The following PTBP3 variants were observed in gnomAD, a reference collection of about 807,000 sequenced individuals.
PTBP3 encodes the protein polypyrimidine tract binding protein 3.
In PTBP3, 20 loss-of-function variants were observed where a neutral mutation model predicts 58.7. That is an observed-to-expected ratio of 0.34 (90% CI 0.24 to 0.50). The LOEUF is 0.50. PTBP3 is among the 20% of genes least tolerant of loss of function. The pLI is 0.98. For missense variants in PTBP3, 509 were observed against 637.2 expected (o/e 0.80, Z 2.17); for synonymous variants, 185 against 219.8 (o/e 0.84, Z 1.40).
At chr9:112,229,492 G>T (rs1835119045) in intron 10 of PTBP3, among the ~76,000 whole-genome samples, 1 of 151,490 alleles carries the variant, frequency 6.6e-6, no homozygotes, top group South Asian at 2.1e-4. Context: ...TTGAACCTGG[G>T]AGGTAGAGGT....
chr9:112,261,768 A>T (rs1478610744), intron 5 of PTBP3, among the ~76,000 whole-genome samples: 1 of 152,248 alleles, frequency 6.6e-6, no homozygotes. Flanking sequence ...ATTCAAAAAC[A>T]AAACATGGGA....
chr9:112,302,976 T>G (rs1379971702), intron 1 of PTBP3, among the ~76,000 whole-genome samples: 1 of 152,202 alleles, frequency 6.6e-6, no homozygotes, highest in Non-Finnish European at 1.5e-5. Flanking sequence ...TTCTATTTTT[T>G]TCTCATTCGA....
chr9:112,352,894 C>T, the PTBP3 span, among the ~76,000 whole-genome samples: 53,221 of 151,442 alleles, frequency 0.35, 10,936 homozygotes, highest in Middle Eastern at 0.5. Context: ...CAATTAATGA[C>T]TTTCTTTTTT....
upstream of PTBP3, among the ~76,000 whole-genome samples, chr9:112,334,224 G>A (rs774066592): frequency 8.5e-5 from 13 of 152,090 alleles, no homozygotes; most frequent in Admixed American, 2.6e-4. Context: ...GAAAGAGGCT[G>A]CCCGGACTGG....
the PTBP3 span, among the ~76,000 whole-genome samples, chr9:112,356,784 A>C: frequency 1.1e-3 from 91 of 79,134 alleles, 2 homozygotes; most frequent in South Asian, 5.3e-3. Context: ...CTTTTGAGAC[A>C]ATTGCGTGTG....
intron 1 of PTBP3, among the ~76,000 whole-genome samples, chr9:112,315,504 G>A (rs1277332361): frequency 6.6e-6 from 1 of 152,112 alleles, no homozygotes; most frequent in Non-Finnish European, 1.5e-5. Flanking sequence ...GGAGGCTGAG[G>A]AGGAGGATCA....
Position 112,288,455 on chromosome 9 carries a change from C to T in PTBP3, c.34+9377G>A, listed in dbSNP as rs149652217. 1.5e-3 allele frequency among the ~76,000 whole-genome samples: 232 copies of T among 152,306 alleles called. 1 individual carries two copies. The highest frequency in any genetic ancestry group is 5.4e-3 in the African/African-American group (225 of 41,548). On this transcript the variant is annotated intron_variant, in intron 2 of 13. Coordinates refer to ENST00000374257, the MANE Select transcript of PTBP3 (RefSeq NM_001163788.4). ...TCCCATACCTCCCAGGTAACTCAAC[C>T]TTCCCAAACTTCAATCTGTTTCTTC...
chr9:112,276,082 T>C (rs1589854133), intron 2 of PTBP3, 69 bp from the exon 3 acceptor site: 2 of 1,389,958 alleles, frequency 1.4e-6, no homozygotes, highest in Non-Finnish European at 2.0e-6. Flanking sequence ...ATTAATCATA[T>C]TGTCACATTT....
At chr9:112,224,669 T>C (rs1279014181) in intron 12 of PTBP3, among the ~76,000 whole-genome samples, 1 of 152,172 alleles carries the variant, frequency 6.6e-6, no homozygotes, top group Non-Finnish European at 1.5e-5. Flanking sequence ...CCCCAATTAC[T>C]CTTGCCTGCT....
At chr9:112,330,504 G>A in intron 1 of PTBP3, 1 of 1,461,634 alleles carries the variant, frequency 6.8e-7, no homozygotes, top group African/African-American at 1.4e-5. Flanking sequence ...AGAGAAAATG[G>A]AAAACAAAGT....
At chr9:112,275,619 TAAG>T (rs778472997) in intron 3 of PTBP3, among the ~76,000 whole-genome samples, 1 of 152,140 alleles carries the variant, frequency 6.6e-6, no homozygotes, top group African/African-American at 2.4e-5. Flanking sequence ...ATTTGTGTCT[TAAG>T]AAGAAAAAAC....
At chr9:112,288,532 G>C (rs1828241194) in intron 2 of PTBP3, among the ~76,000 whole-genome samples, 1 of 151,950 alleles carries the variant, frequency 6.6e-6, no homozygotes, top group Admixed American at 6.6e-5. Flanking sequence ...CCACAGTCTA[G>C]AAAGAAAACT....
At chr9:112,227,301 G>C (rs1589794636) in intron 12 of PTBP3, 110 bp downstream of exon 12, 2 of 1,124,250 alleles carry the variant, frequency 1.8e-6, no homozygotes, top group East Asian at 2.5e-5. Context: ...AGAAACTGTT[G>C]ACCAGGACAA....
At chr9:112,315,127 G>A (rs10817315) in intron 1 of PTBP3, among the ~76,000 whole-genome samples, 73,390 of 151,650 alleles carry the variant, frequency 0.48, 18,060 homozygotes, top group African/African-American at 0.57. Context: ...CACCGCCCCC[G>A]GCCCCCACTG....
chr9:112,350,073 T>C, the PTBP3 span, among the ~76,000 whole-genome samples: 1 of 152,104 alleles, frequency 6.6e-6, no homozygotes, highest in South Asian at 2.1e-4. Context: ...TTAAAGATTT[T>C]TAAATTTTTA....
chr9:112,293,163 T>C (rs1191490533), intron 2 of PTBP3, among the ~76,000 whole-genome samples: 1 of 152,114 alleles, frequency 6.6e-6, no homozygotes, highest in Non-Finnish European at 1.5e-5. Flanking sequence ...CTTATTCATA[T>C]AAAGTTTAAA....
At chr9:112,241,875 T>C (rs574014180) in intron 7 of PTBP3, among the ~76,000 whole-genome samples, 4 of 152,326 alleles carry the variant, frequency 2.6e-5, no homozygotes, top group East Asian at 3.9e-4. Flanking sequence ...TTGCATTTTA[T>C]AGAAATATAT....
chr9:112,255,500 G>A (rs896453685), intron 5 of PTBP3, among the ~76,000 whole-genome samples: 3 of 151,948 alleles, frequency 2.0e-5, no homozygotes, highest in African/African-American at 2.4e-5. Flanking sequence ...AAAGGTTGGG[G>A]GTGTAATATA....
chr9:112,376,329 C>G, the PTBP3 span, among the ~76,000 whole-genome samples: 1 of 144,124 alleles, frequency 6.9e-6, no homozygotes, highest in Admixed American at 7.0e-5. Flanking sequence ...TCTCCGCTCA[C>G]TGCAACCTCC....
Sources: gnomAD v4.1 joint callset for allele counts (sites outside exome capture counted in the v4.1 genomes callset) on GRCh38, gnomAD v4.1.1 for gene constraint, MANE v1.5 for transcripts, NCBI Gene and HGNC (gene_info 2026-07-23, HGNC 2026-07-21) for gene names.